Variants in STK32B observed in about 807,000 individuals in gnomAD.
STK32B encodes the protein serine/threonine kinase 32B, also known as serine/threonine-protein kinase 32B.
In STK32B, 43 loss-of-function variants were observed where a neutral mutation model predicts 52.6. The ratio of observed to expected loss-of-function variants is 0.82; its 90% CI spans 0.64 to 1.05. The LOEUF (loss-of-function observed/expected upper bound fraction) is 1.05. Among genes scored for constraint, STK32B ranks in the 50% least tolerant of loss-of-function variants. The pLI is 0.00. For missense variants in STK32B, 621 were observed against 534.6 expected (o/e 1.16, Z -1.59); for synonymous variants, 238 against 204.3 (o/e 1.17, Z -1.41).
At position 5,172,777 on chromosome 4, in the gene STK32B, G is replaced by C. The variant is rs191484076; in HGVS notation, c.260+4327G>C. ...ATATTGGTCTAAAATTCTCTTTTTTGGTTGTGTCTCTGCCAGGCTTTGGTA... is the reference window on the plus strand; with the variant it reads ...ATATTGGTCTAAAATTCTCTTTTTTCGTTGTGTCTCTGCCAGGCTTTGGTA... On this transcript the variant is annotated intron_variant, in intron 3 of 11. Coordinates refer to ENST00000282908, the MANE Select transcript of STK32B (RefSeq NM_018401.3). Among the ~76,000 whole-genome samples, 507 of 151,838 alleles carry C rather than the reference G, an allele frequency of 3.3e-3. 5 individuals carry two copies. The highest frequency in any genetic ancestry group is 0.011 in the African/African-American group (450 of 41,364).
intron 3 of STK32B, among the ~76,000 whole-genome samples, chr4:5,305,357 C>G (rs1023161151): frequency 2.6e-5 from 4 of 152,022 alleles, no homozygotes; most frequent in Non-Finnish European, 5.9e-5. Context: ...ATTACCATTT[C>G]AATCTCACTA....
intron 5 of STK32B, among the ~76,000 whole-genome samples, chr4:5,415,533 T>C (rs1712088908): frequency 6.6e-6 from 1 of 152,206 alleles, no homozygotes; most frequent in Non-Finnish European, 1.5e-5. Flanking sequence ...CCCCAGAGGC[T>C]AAAGTAGCCT....
At chr4:5,491,783 A>G (rs1042137846) in intron 11 of STK32B, among the ~76,000 whole-genome samples, 6 of 151,694 alleles carry the variant, frequency 4.0e-5, no homozygotes, top group African/African-American at 1.2e-4. Context: ...ATCCAGTTTC[A>G]GCTTTCTCCA....
intron 3 of STK32B, among the ~76,000 whole-genome samples, chr4:5,268,687 C>G: frequency 6.6e-6 from 1 of 151,864 alleles, no homozygotes; most frequent in East Asian, 1.9e-4. Flanking sequence ...ACCTTCTGTC[C>G]TGTTCACGAT....
intron 1 of STK32B, among the ~76,000 whole-genome samples, chr4:5,053,974 C>A (rs1363876333): frequency 1.0e-5 from 1 of 97,350 alleles, no homozygotes; most frequent in African/African-American, 4.2e-5. Flanking sequence ...AGTGAAGCTC[C>A]ATCTCAAAAT....
chr4:5,179,464 G>C (rs948085636), intron 3 of STK32B, among the ~76,000 whole-genome samples: 5 of 152,058 alleles, frequency 3.3e-5, no homozygotes, highest in Non-Finnish European at 5.9e-5. Flanking sequence ...CTATATGTAT[G>C]ATGCATAGAT....
At chr4:5,307,391 A>G (rs552936033) in intron 3 of STK32B, among the ~76,000 whole-genome samples, 16 of 152,128 alleles carry the variant, frequency 1.1e-4, no homozygotes, top group African/African-American at 1.9e-4. Context: ...CTTGTCTTCA[A>G]TCTCTGAAGT....
chr4:5,217,190 G>T (rs1314061849), intron 3 of STK32B, among the ~76,000 whole-genome samples: 6 of 152,210 alleles, frequency 3.9e-5, no homozygotes, highest in African/African-American at 1.4e-4. Flanking sequence ...TTGAATTATA[G>T]ACTAAAATGA....
At chr4:5,262,682 G>T (rs1418933996) in intron 3 of STK32B, among the ~76,000 whole-genome samples, 2 of 151,472 alleles carry the variant, frequency 1.3e-5, no homozygotes, top group Non-Finnish European at 2.9e-5. Context: ...ACAATATATG[G>T]TTAAGTATTA....
rs543382860 is a variant in STK32B, at chr4:5,061,146, A to G, written c.52+9231A>G. 2.6e-5 allele frequency among the ~76,000 whole-genome samples: 4 copies of G among 152,298 alleles called. No homozygotes were observed. The East Asian group carries it at 5.8e-4, about 22-fold the overall frequency. Reference sequence around the variant, plus strand: ...TGCAAAAGCATTAGACCTTATCACTATGCCCCATCTGGCTTTGACAATACT... The same window carrying G: ...TGCAAAAGCATTAGACCTTATCACTGTGCCCCATCTGGCTTTGACAATACT... On this transcript the variant is annotated intron_variant, in intron 1 of 11. Transcript: ENST00000282908.
chr4:5,368,386 T>C (rs928263616), intron 4 of STK32B, among the ~76,000 whole-genome samples: 1 of 150,918 alleles, frequency 6.6e-6, no homozygotes, highest in African/African-American at 2.5e-5. Context: ...TTCCTAATTA[T>C]AAATGATAAG....
In STK32B at chr4:5,484,908, T is replaced by A. The variant is rs552006679; in HGVS notation, c.1107-14037T>A. On this transcript the variant is annotated intron_variant, in intron 11 of 11. Transcript: ENST00000282908. ...AAATTCTTTTCTTTAAGAATGTTGA[T>A]TATTGGCCCCCACTCTCTTTTGGCT... is the stretch of plus-strand genomic sequence containing the variant. Among the ~76,000 whole-genome samples, 1,253 of 152,216 alleles carry A rather than the reference T, an allele frequency of 8.2e-3. 17 individuals are homozygous for A. Among genetic ancestry groups the A allele is most frequent in the African/African-American group, 0.029 (1,192 of 41,504 alleles).
chr4:5,149,191 A>G (rs1717151615), intron 2 of STK32B, among the ~76,000 whole-genome samples: 1 of 151,832 alleles, frequency 6.6e-6, no homozygotes, highest in African/African-American at 2.4e-5. Context: ...TCCATGACAT[A>G]TGTTTTTCTA....
intron 7 of STK32B, 125 bp downstream of exon 7, chr4:5,446,901 C>A: frequency 1.2e-6 from 1 of 848,168 alleles, no homozygotes; most frequent in Non-Finnish European, 1.9e-6. Context: ...CACTGCCCCC[C>A]AGGTTTCAGT....
chr4:5,199,758 C>G (rs887007700), intron 3 of STK32B, among the ~76,000 whole-genome samples: 3 of 150,748 alleles, frequency 2.0e-5, no homozygotes, highest in East Asian at 2.0e-4. Context: ...TAAATGTTCT[C>G]CCACCCCCGC....
At chr4:5,360,820 C>A (rs561610718) in intron 4 of STK32B, among the ~76,000 whole-genome samples, 24 of 152,232 alleles carry the variant, frequency 1.6e-4, no homozygotes, top group Non-Finnish European at 2.9e-4. Flanking sequence ...CAAACAAAAA[C>A]AACAACAACA....
At chr4:5,164,022 C>A (rs189332424) in intron 2 of STK32B, among the ~76,000 whole-genome samples, 1 of 152,314 alleles carries the variant, frequency 6.6e-6, no homozygotes, top group Non-Finnish European at 1.5e-5. Flanking sequence ...TTCTGTAGAC[C>A]CATTTCACAG....
At chr4:5,294,569 CTGTT>C (rs1277127717) in intron 3 of STK32B, among the ~76,000 whole-genome samples, 3 of 152,106 alleles carry the variant, frequency 2.0e-5, no homozygotes, top group African/African-American at 7.2e-5. Context: ...ATTTGGCTCT[CTGTT>C]TGTCTGTTAT....
At chr4:5,412,554 T>C (rs1038536131) in intron 5 of STK32B, among the ~76,000 whole-genome samples, 5 of 152,160 alleles carry the variant, frequency 3.3e-5, no homozygotes, top group African/African-American at 7.2e-5. Flanking sequence ...GACCCAGCTC[T>C]GTAGGAGGAG....
Sources: allele counts gnomAD v4.1 joint callset (sites outside exome capture counted in the v4.1 genomes callset), GRCh38; gene constraint gnomAD v4.1.1; transcripts MANE v1.5; gene names NCBI Gene and HGNC (gene_info 2026-07-23, HGNC 2026-07-21).